SEL1L2: variants seen among roughly 807,000 people sequenced by gnomAD.
SEL1L2 encodes the protein protein sel-1 homolog 2.
A neutral mutation model predicts 98.8 loss-of-function variants in SEL1L2; 89 were observed. That is an observed-to-expected ratio of 0.90 (90% CI 0.76 to 1.07). The LOEUF (loss-of-function observed/expected upper bound fraction) is 1.07. Ranked by LOEUF, SEL1L2 falls within the 50% of genes least tolerant of loss-of-function variation. SEL1L2 has a pLI of 0.00. For missense variants in SEL1L2, 788 were observed against 812.0 expected (o/e 0.97, Z 0.36); for synonymous variants, 262 against 278.5 (o/e 0.94, Z 0.59).
chr20:13,856,421 T>A (rs534075799), intron 18 of SEL1L2, among the ~76,000 whole-genome samples: 4 of 152,156 alleles, frequency 2.6e-5, no homozygotes, highest in African/African-American at 9.7e-5. Flanking sequence ...TGAGCCACCA[T>A]GCCTGGCCCT....
chr20:13,961,628 A>G (rs978753947), intron 1 of SEL1L2, among the ~76,000 whole-genome samples: 3 of 152,242 alleles, frequency 2.0e-5, no homozygotes, highest in Non-Finnish European at 1.5e-5. Context: ...CTTTCTAGGA[A>G]TAGGAGACAG....
At chr20:13,915,110 A>G (rs1309046040) in intron 4 of SEL1L2, 1 of 1,288,004 alleles carries the variant, frequency 7.8e-7, no homozygotes, top group Non-Finnish European at 1.0e-6. Context: ...TAGGAGGATC[A>G]GGAGACTCAC....
Position 13,885,388 on chromosome 20 carries a change from A to G in SEL1L2, c.916T>C (p.Leu306=). 2 of 1,603,118 alleles carry G rather than the reference A, an allele frequency of 1.2e-6. No individual in the cohort carries two copies. Among genetic ancestry groups the G allele is most frequent in the Non-Finnish European group, 1.7e-6 (2 of 1,170,026 alleles). ...DVQIQVSLGQ[L]HLIGRKGLDQ... ...AGACCTTTCCTGCCAATTAGATGTA[A>G]TTGTCCAAGAGAGACCTAGGAATGA... Residue 306 remains leucine (L), a synonymous_variant, in exon 10 of 20, where the codon TTA becomes CTA. Transcript: ENST00000284951.
intron 1 of SEL1L2, among the ~76,000 whole-genome samples, chr20:13,979,423 A>G (rs901050442): frequency 2.0e-5 from 3 of 152,228 alleles, no homozygotes; most frequent in Admixed American, 6.5e-5. Flanking sequence ...TTTACAACAC[A>G]AAGAAATAAT....
intron 1 of SEL1L2, among the ~76,000 whole-genome samples, chr20:13,969,604 A>C (rs2051194216): frequency 6.6e-6 from 1 of 152,062 alleles, no homozygotes; most frequent in African/African-American, 2.4e-5. Flanking sequence ...TTCCCACTAC[A>C]CCCTGCTCTT....
At chr20:13,942,040 G>T (rs2049805732) in intron 2 of SEL1L2, among the ~76,000 whole-genome samples, 1 of 152,076 alleles carries the variant, frequency 6.6e-6, no homozygotes, top group Admixed American at 6.5e-5. Context: ...AAAGCTCTTG[G>T]GAAAAAGAGG....
intron 4 of SEL1L2, among the ~76,000 whole-genome samples, chr20:13,916,696 C>T (rs940431635): frequency 2.0e-5 from 3 of 152,114 alleles, no homozygotes; most frequent in Non-Finnish European, 2.9e-5. Context: ...ATCTCAGCTA[C>T]TTGGGAAGCT....
chr20:13,938,870 ATTTTTCTG>A (rs1009088837), intron 2 of SEL1L2, among the ~76,000 whole-genome samples: 5 of 151,630 alleles, frequency 3.3e-5, no homozygotes, highest in Non-Finnish European at 7.4e-5. Flanking sequence ...GTTTAAATAC[ATTTTTCTG>A]TTTTTCTGTT....
chr20:13,939,706 G>A (rs1250644889), intron 2 of SEL1L2, among the ~76,000 whole-genome samples: 1 of 120,876 alleles, frequency 8.3e-6, no homozygotes, highest in Non-Finnish European at 1.7e-5. Flanking sequence ...TGTTCTTGTT[G>A]CCCAGGCTGG....
intron 2 of SEL1L2, among the ~76,000 whole-genome samples, chr20:13,947,425 C>A (rs988140520): frequency 6.6e-6 from 1 of 152,160 alleles, no homozygotes. Context: ...ATCAGGACCA[C>A]CTGCCTGCGG....
At chr20:13,942,224 G>T (rs1046067460) in intron 2 of SEL1L2, among the ~76,000 whole-genome samples, 1 of 152,140 alleles carries the variant, frequency 6.6e-6, no homozygotes, top group African/African-American at 2.4e-5. Flanking sequence ...ACAAAAGGGA[G>T]AAATGAATTT....
intron 18 of SEL1L2, among the ~76,000 whole-genome samples, chr20:13,854,082 G>A (rs1988754230): frequency 6.6e-6 from 1 of 152,188 alleles, no homozygotes; most frequent in Non-Finnish European, 1.5e-5. Flanking sequence ...TAATTCTGGT[G>A]TTTAAAGCTT....
rs2048381338 is a variant in SEL1L2, at chr20:13,915,913, G to C, written c.387-1969C>G. 1.3e-5 allele frequency among the ~76,000 whole-genome samples: 2 copies of C among 152,162 alleles called. 1 individual carries two copies. Among genetic ancestry groups the C allele is most frequent in the South Asian group, 4.1e-4 (2 of 4,822 alleles). ...GGCATTGGACGCTTAGGTGGGTGATGGGGGAGGAAGGGCTCAATGCTTCTG... is the reference window on the plus strand; with the variant it reads ...GGCATTGGACGCTTAGGTGGGTGATCGGGGAGGAAGGGCTCAATGCTTCTG... On this transcript the variant is annotated intron_variant, in intron 4 of 19. Coordinates refer to ENST00000284951, the MANE Select transcript of SEL1L2 (RefSeq NM_025229.2).
At chr20:13,993,614 T>C (rs1343068530), upstream of SEL1L2, among the ~76,000 whole-genome samples, 1 of 152,194 alleles carries the variant, frequency 6.6e-6, no homozygotes, top group African/African-American at 2.4e-5. Context: ...AAAGCACATG[T>C]GGAAGGACTG....
chr20:13,986,557 G>C (rs2052193104), intron 1 of SEL1L2, among the ~76,000 whole-genome samples: 1 of 152,142 alleles, frequency 6.6e-6, no homozygotes, highest in African/African-American at 2.4e-5. Flanking sequence ...TATCCAAGTT[G>C]TAACACCTAT....
chr20:13,929,498 T>TTC (rs2049039562), intron 3 of SEL1L2, among the ~76,000 whole-genome samples: 1 of 129,740 alleles, frequency 7.7e-6, no homozygotes, highest in South Asian at 2.8e-4. Context: ...TTTTTTTTTT[T>TTC]TTTTTTTTTT....
chr20:13,911,987 C>T (rs1719251414), intron 5 of SEL1L2, among the ~76,000 whole-genome samples: 1 of 152,134 alleles, frequency 6.6e-6, no homozygotes, highest in South Asian at 2.1e-4. Context: ...TTAATCCTCA[C>T]AATAACTCCA....
chr20:13,991,136 A>G (rs2052520053), upstream of SEL1L2, among the ~76,000 whole-genome samples: 2 of 152,238 alleles, frequency 1.3e-5, no homozygotes, highest in African/African-American at 4.8e-5. Context: ...GATAATACAG[A>G]CATCTCACAA....
Position 13,850,203 on chromosome 20 carries a change from G to T in SEL1L2, c.1935C>A (p.Ile645=). The change falls in exon 19 of 20, where the codon ATC becomes ATA. Residue 645 remains isoleucine (I), a synonymous_variant. Transcript: ENST00000284951. ...KLETTHLLRD[I]LFFNFTTRWN... ...AAGACAAACTTACATTAAAAAACAG[G>T]ATATCCCGGAGCAAATGCGTAGTTT... 2 of 1,613,824 alleles carry T rather than the reference G, an allele frequency of 1.2e-6. No individual in the cohort carries two copies. The highest frequency in any genetic ancestry group is 1.7e-6 in the Non-Finnish European group (2 of 1,179,812).
Sources: allele counts gnomAD v4.1 joint callset (sites outside exome capture counted in the v4.1 genomes callset), GRCh38; gene constraint gnomAD v4.1.1; transcripts MANE v1.5; gene names NCBI Gene and HGNC (gene_info 2026-07-23, HGNC 2026-07-21).